CDH18: variants seen among roughly 807,000 people sequenced by gnomAD.
CDH18 encodes cadherin 18.
CDH18 carries 31 observed loss-of-function variants against 67.9 expected under a neutral mutation model. The observed-to-expected ratio is 0.46, with a 90% CI of 0.34 to 0.62. The LOEUF (loss-of-function observed/expected upper bound fraction) is 0.62, where lower values mean the gene tolerates loss of function less well. Among genes scored for constraint, CDH18 ranks in the 20% least tolerant of loss-of-function variants. The pLI is 0.01. For synonymous variants in CDH18, 362 were observed against 347.2 expected (o/e 1.04, Z -0.48); for missense variants, 890 against 975.5 (o/e 0.91, Z 1.17).
chr5:19,547,912 C>T (rs1365553508), intron 8 of CDH18, among the ~76,000 whole-genome samples: 1 of 152,052 alleles, frequency 6.6e-6, no homozygotes, highest in African/African-American at 2.4e-5. Flanking sequence ...GAAATAAAAA[C>T]TCAGAAGTAA....
chr5:20,525,023 C>T (rs551228738), intron 1 of CDH18, among the ~76,000 whole-genome samples: 2 of 152,218 alleles, frequency 1.3e-5, no homozygotes, highest in East Asian at 3.9e-4. Context: ...TTTTTGAGGG[C>T]TGATGTTGGC....
intron 5 of CDH18, among the ~76,000 whole-genome samples, chr5:19,660,000 A>C (rs775705690): frequency 2.3e-4 from 35 of 152,146 alleles, no homozygotes; most frequent in Non-Finnish European, 3.4e-4. Flanking sequence ...TCTTATAACA[A>C]AATCACAAGC....
At chr5:19,997,251 T>A (rs893856352) in intron 2 of CDH18, among the ~76,000 whole-genome samples, 3 of 152,102 alleles carry the variant, frequency 2.0e-5, no homozygotes, top group Admixed American at 2.0e-4. Context: ...CATCAGAATC[T>A]CCAAAGAATG....
At chr5:19,537,434 TGTAA>T (rs1749596604) in intron 9 of CDH18, among the ~76,000 whole-genome samples, 1 of 152,164 alleles carries the variant, frequency 6.6e-6, no homozygotes, top group South Asian at 2.1e-4. Context: ...TATGTACATA[TGTAA>T]GTGTGTGTAT....
chr5:19,598,189 T>C (rs1014903142), intron 6 of CDH18, among the ~76,000 whole-genome samples: 1 of 152,170 alleles, frequency 6.6e-6, no homozygotes, highest in Non-Finnish European at 1.5e-5. Flanking sequence ...GACTTATCTT[T>C]CACTTTTTTC....
intron 2 of CDH18, among the ~76,000 whole-genome samples, chr5:20,178,150 C>T (rs1737387047): frequency 6.6e-6 from 1 of 151,984 alleles, no homozygotes; most frequent in Non-Finnish European, 1.5e-5. Flanking sequence ...CTATTTGTTG[C>T]ATTTGACATT....
intron 5 of CDH18, among the ~76,000 whole-genome samples, chr5:19,688,306 T>C (rs1761397075): frequency 6.6e-6 from 1 of 152,138 alleles, no homozygotes; most frequent in South Asian, 2.1e-4. Context: ...ACAGTCATGC[T>C]TATCCTATCA....
intron 2 of CDH18, among the ~76,000 whole-genome samples, chr5:19,958,379 CAAAAA>C (rs57913629): frequency 6.0e-5 from 4 of 66,644 alleles, no homozygotes; most frequent in South Asian, 7.5e-4. Context: ...TTTCCTTCAC[CAAAAA>C]AAAAAAAAAA....
At chr5:20,080,070 G>C (rs573459221) in intron 2 of CDH18, among the ~76,000 whole-genome samples, 1 of 152,028 alleles carries the variant, frequency 6.6e-6, no homozygotes, top group Admixed American at 6.6e-5. Context: ...TTGGGGGAAC[G>C]CAAATATTCA....
At chr5:19,717,433 G>A (rs1765474440) in intron 5 of CDH18, among the ~76,000 whole-genome samples, 1 of 151,956 alleles carries the variant, frequency 6.6e-6, no homozygotes. Context: ...CTGTTTCTAA[G>A]GCCCTGGAAT....
intron 4 of CDH18, among the ~76,000 whole-genome samples, chr5:19,728,917 T>C (rs1381421109): frequency 6.6e-6 from 1 of 152,138 alleles, no homozygotes; most frequent in East Asian, 1.9e-4. Context: ...ACAGGAGAAC[T>C]GTAATTTCAC....
At chr5:19,930,609 A>C (rs1216710223) in intron 2 of CDH18, among the ~76,000 whole-genome samples, 1 of 151,958 alleles carries the variant, frequency 6.6e-6, no homozygotes, top group Non-Finnish European at 1.5e-5. Flanking sequence ...TCCGGGGGAC[A>C]CTTGTACGTG....
chr5:20,238,035 C>G (rs990114949), intron 2 of CDH18, among the ~76,000 whole-genome samples: 3 of 151,742 alleles, frequency 2.0e-5, no homozygotes, highest in African/African-American at 7.3e-5. Flanking sequence ...GACAAACATG[C>G]CAAGACAATT....
intron 2 of CDH18, among the ~76,000 whole-genome samples, chr5:19,877,589 T>C (rs549782197): frequency 1.3e-5 from 2 of 152,296 alleles, no homozygotes; most frequent in South Asian, 2.1e-4. Flanking sequence ...AAGCTGGCTA[T>C]GTGTGAGACA....
At chr5:20,354,747 G>T (rs940325038) in intron 1 of CDH18, among the ~76,000 whole-genome samples, 1 of 152,098 alleles carries the variant, frequency 6.6e-6, no homozygotes, top group Admixed American at 6.5e-5. Context: ...CTTCAGCAAA[G>T]AATCAGAAAT....
intron 4 of CDH18, among the ~76,000 whole-genome samples, chr5:19,741,678 C>G (rs1259085505): frequency 6.6e-6 from 1 of 152,074 alleles, no homozygotes; most frequent in African/African-American, 2.4e-5. Context: ...TCTCTCTGGA[C>G]AGGATTATAA....
At chr5:19,625,350 C>A (rs543472425) in intron 5 of CDH18, among the ~76,000 whole-genome samples, 4 of 151,716 alleles carry the variant, frequency 2.6e-5, no homozygotes, top group Non-Finnish European at 5.9e-5. Flanking sequence ...AGAACAAAAG[C>A]TCTACAAGAC....
chr5:20,313,398 T>G (rs996943365), intron 1 of CDH18, among the ~76,000 whole-genome samples: 2 of 152,130 alleles, frequency 1.3e-5, no homozygotes, highest in African/African-American at 4.8e-5. Flanking sequence ...TCAAGTAAAT[T>G]TGATCTTCAT....
At chr5:19,490,834 T>C (rs1424797816) in intron 11 of CDH18, among the ~76,000 whole-genome samples, 1 of 151,964 alleles carries the variant, frequency 6.6e-6, no homozygotes, top group Non-Finnish European at 1.5e-5. Context: ...GGCTGGCAAA[T>C]CCATAAGGGG....
Sources: gnomAD v4.1 joint callset for allele counts (sites outside exome capture counted in the v4.1 genomes callset) on GRCh38, gnomAD v4.1.1 for gene constraint, MANE v1.5 for transcripts, NCBI Gene and HGNC (gene_info 2026-07-23, HGNC 2026-07-21) for gene names.